The following DOCK8 variants were observed in gnomAD, a reference collection of about 807,000 sequenced individuals.
The protein encoded by DOCK8 is dedicator of cytokinesis protein 8.
DOCK8 carries 141 observed loss-of-function variants against 245.6 expected under a neutral mutation model. The observed-to-expected ratio is 0.57, with a 90% CI of 0.50 to 0.66. DOCK8 has a LOEUF of 0.66. Among genes scored for constraint, DOCK8 ranks in the 30% least tolerant of loss-of-function variants. The probability of loss-of-function intolerance (pLI) is 0.00; values close to 1 mark genes in which losing one functional copy is unlikely to be tolerated. For missense variants in DOCK8, 2,965 were observed against 2,603.4 expected (o/e 1.14, Z -3.02); for synonymous variants, 1,168 against 970.2 (o/e 1.20, Z -3.79).
chr9:434,037 G>A (rs2056810590), intron 38 of DOCK8, 62 bp downstream of exon 38: 2 of 1,164,190 alleles, frequency 1.7e-6, no homozygotes, highest in African/African-American at 1.5e-5. Flanking sequence ...TCACTGTGGA[G>A]TTCTTACTAA....
intron 14 of DOCK8, among the ~76,000 whole-genome samples, chr9:342,500 C>T (rs560945896): frequency 1.2e-3 from 173 of 150,432 alleles, no homozygotes; most frequent in African/African-American, 4.1e-3. Flanking sequence ...GATGGAGTCT[C>T]ACTCTGTCAC....
At chr9:402,646 T>C (rs973695183) in intron 26 of DOCK8, among the ~76,000 whole-genome samples, 1 of 152,260 alleles carries the variant, frequency 6.6e-6, no homozygotes, top group African/African-American at 2.4e-5. Flanking sequence ...TCATTTTGCA[T>C]AACCTATTAT....
chr9:271,064 G>C (rs764282740), intron 1 of DOCK8, among the ~76,000 whole-genome samples: 2 of 152,222 alleles, frequency 1.3e-5, no homozygotes, highest in Non-Finnish European at 2.9e-5. Context: ...CATGGGTGAT[G>C]CAAAGGATCA....
At chr9:308,321 A>G (rs1563904732) in intron 5 of DOCK8, among the ~76,000 whole-genome samples, 2 of 152,264 alleles carry the variant, frequency 1.3e-5, no homozygotes, top group Non-Finnish European at 2.9e-5. Flanking sequence ...TTCCATAAAT[A>G]GGTACAACTA....
rs137963074 is a variant in DOCK8, at chr9:423,790, G to A, written c.4241+1655G>A. ...TGAACAACAACTACAAAATATGCAT[G>A]CCGTGGGTGCTACAGAATTGCTTAG... On this transcript the variant is annotated intron_variant, in intron 33 of 47. Coordinates refer to ENST00000432829, the MANE Select transcript of DOCK8 (RefSeq NM_203447.4). Among the ~76,000 whole-genome samples, 359 of 152,252 alleles carry A rather than the reference G, an allele frequency of 2.4e-3. 1 individual carries two copies. Among genetic ancestry groups the A allele is most frequent in the African/African-American group, 8.4e-3 (351 of 41,550 alleles).
chr9:312,847 C>CGA, intron 6 of DOCK8: 3 of 178,896 alleles, frequency 1.7e-5, no homozygotes, highest in South Asian at 2.5e-4. Context: ...CTCAGTTTTC[C>CGA]CCTCTGCGTG....
At chr9:390,363 A>G in intron 23 of DOCK8, 108 bp from the exon 24 acceptor site, 1 of 1,006,752 alleles carries the variant, frequency 9.9e-7, no homozygotes, top group South Asian at 1.4e-5. Context: ...CACATGCTTC[A>G]GGAACGAACA....
intron 4 of DOCK8, among the ~76,000 whole-genome samples, chr9:299,828 T>C (rs1261362279): frequency 6.6e-6 from 1 of 151,876 alleles, no homozygotes; most frequent in East Asian, 2.0e-4. Flanking sequence ...GAGACCATCC[T>C]GGCTAACACA....
upstream of DOCK8, among the ~76,000 whole-genome samples, chr9:212,035 G>A (rs1387839108): frequency 2.0e-5 from 3 of 152,178 alleles, no homozygotes; most frequent in African/African-American, 7.2e-5. Context: ...GATAGGAAAT[G>A]GCTCTGCCCT....
chr9:440,059 C>T (rs2057042229), intron 40 of DOCK8, among the ~76,000 whole-genome samples: 1 of 152,118 alleles, frequency 6.6e-6, no homozygotes, highest in African/African-American at 2.4e-5. Context: ...AGCTCTGTCG[C>T]CCAGGCTGGA....
At chr9:420,756 A>T (rs1001532374) in intron 31 of DOCK8, among the ~76,000 whole-genome samples, 173 bp downstream of exon 31, 1 of 152,182 alleles carries the variant, frequency 6.6e-6, no homozygotes, top group South Asian at 2.1e-4. Context: ...CAGGGAAAGG[A>T]TCTCTGCCTT....
chr9:254,465 T>TTTTA (rs1199489289), intron 1 of DOCK8, among the ~76,000 whole-genome samples: 3 of 152,190 alleles, frequency 2.0e-5, no homozygotes, highest in South Asian at 2.1e-4. Context: ...ATTACCTTTC[T>TTTTA]TTTATTTTTC....
chr9:379,486 A>C (rs560093121), intron 20 of DOCK8, among the ~76,000 whole-genome samples: 1 of 152,274 alleles, frequency 6.6e-6, no homozygotes, highest in Middle Eastern at 3.4e-3. Context: ...ATCAGTTTAC[A>C]ACCTGGCTTA....
intron 1 of DOCK8, among the ~76,000 whole-genome samples, chr9:261,781 T>C (rs761060849): frequency 2.2e-4 from 33 of 152,210 alleles, no homozygotes; most frequent in Non-Finnish European, 3.1e-4. Flanking sequence ...TATTACTTGG[T>C]ACATACATAT....
intron 33 of DOCK8, 119 bp from the exon 34 acceptor site, chr9:426,766 T>G: frequency 1.2e-6 from 1 of 807,728 alleles, no homozygotes; most frequent in Non-Finnish European, 2.1e-6. Flanking sequence ...AGTTGCTCTG[T>G]TTTCATTTCA....
At position 214,895 on chromosome 9, in the gene DOCK8, G is replaced by C. The variant is rs774295691; in HGVS notation, c.-82G>C. ...ACGAGGTTTGCGCTTGGCTGGGCATGTTCCGCGGCTACTCTGCGGCGCGCC... is the reference window on the plus strand; with the variant it reads ...ACGAGGTTTGCGCTTGGCTGGGCATCTTCCGCGGCTACTCTGCGGCGCGCC... On this transcript the variant is annotated 5_prime_UTR_variant, in exon 1 of 48. An upstream start codon of the reference 5' UTR is lost. Transcript: ENST00000432829. The C allele has an allele frequency of 3.7e-6, 6 of 1,602,886 alleles. No homozygotes were observed. Among genetic ancestry groups the C allele is most frequent in the South Asian group, 1.1e-5 (1 of 89,788 alleles).
intron 29 of DOCK8, among the ~76,000 whole-genome samples, chr9:415,678 G>A (rs990314594): frequency 1.0e-4 from 14 of 140,130 alleles, no homozygotes; most frequent in African/African-American, 4.3e-4. Flanking sequence ...GTGTGTGCAC[G>A]TGTGTGCGCG....
Position 325,652 on chromosome 9 carries a change from T to C in DOCK8, c.828-19T>C. 6.2e-7 allele frequency: 1 copy of C among 1,609,870 alleles called. No individual in the cohort carries two copies. Among genetic ancestry groups the C allele is most frequent in the Non-Finnish European group, 8.5e-7 (1 of 1,176,082 alleles). Reference sequence around the variant, plus strand: ...ATCTAACTCAAAGCCACATAGATTTTCCTCTCTTTCTATGGTAGGTTCGAG... The same window carrying C: ...ATCTAACTCAAAGCCACATAGATTTCCCTCTCTTTCTATGGTAGGTTCGAG... On this transcript the variant is annotated intron_variant, in intron 7 of 47. Coordinates refer to ENST00000432829, the MANE Select transcript of DOCK8 (RefSeq NM_203447.4).
At chr9:327,430 G>C (rs1034054389) in intron 8 of DOCK8, among the ~76,000 whole-genome samples, 4 of 123,942 alleles carry the variant, frequency 3.2e-5, no homozygotes, top group South Asian at 2.5e-4. Context: ...GTCTCACTCT[G>C]TTGCCCAGGC....
Sources: gnomAD v4.1 joint callset for allele counts (sites outside exome capture counted in the v4.1 genomes callset) on GRCh38, gnomAD v4.1.1 for gene constraint, MANE v1.5 for transcripts, NCBI Gene and HGNC (gene_info 2026-07-23, HGNC 2026-07-21) for gene names.